The following CAST variants were observed in gnomAD, a reference collection of about 807,000 sequenced individuals.
CAST encodes the protein MIR583 host.
A neutral mutation model predicts 119.6 loss-of-function variants in CAST; 76 were observed. The ratio of observed to expected loss-of-function variants is 0.64; its 90% CI spans 0.53 to 0.77. The LOEUF is 0.77. Among genes scored for constraint, CAST ranks in the 30% least tolerant of loss-of-function variants. The pLI is 0.00. For missense variants in CAST, 953 were observed against 946.5 expected (o/e 1.01, Z -0.09); for synonymous variants, 319 against 331.6 (o/e 0.96, Z 0.41).
At chr5:96,282,847 T>C in the CAST span, among the ~76,000 whole-genome samples, 1 of 152,114 alleles carries the variant, frequency 6.6e-6, no homozygotes, top group East Asian at 1.9e-4. Context: ...AAAAATTTGT[T>C]GGCCGGGCGC....
chr5:96,592,414 G>A (rs541530678), intron 1 of CAST, among the ~76,000 whole-genome samples: 31 of 152,110 alleles, frequency 2.0e-4, no homozygotes, highest in African/African-American at 7.2e-4. Context: ...AAAAGGGGGG[G>A]AAAACCCAGC....
the CAST span, among the ~76,000 whole-genome samples, chr5:96,101,607 G>C: frequency 6.6e-6 from 1 of 152,094 alleles, no homozygotes; most frequent in Non-Finnish European, 1.5e-5. Flanking sequence ...ACTTTTTCTT[G>C]ATCCCTTTGT....
the CAST span, among the ~76,000 whole-genome samples, chr5:96,195,858 A>G: frequency 5.9e-5 from 9 of 152,328 alleles, no homozygotes; most frequent in African/African-American, 1.9e-4. Context: ...ATGGCATTAA[A>G]TACAGGCATT....
At chr5:96,658,382 A>C (rs1199409771), upstream of CAST, among the ~76,000 whole-genome samples, 1 of 152,240 alleles carries the variant, frequency 6.6e-6, no homozygotes, top group Non-Finnish European at 1.5e-5. Flanking sequence ...ATTATTGGGA[A>C]TGAGTACATC....
At chr5:96,225,218 AT>A in the CAST span, among the ~76,000 whole-genome samples, 1 of 152,078 alleles carries the variant, frequency 6.6e-6, no homozygotes, top group South Asian at 2.1e-4. Flanking sequence ...CTTTGTTGCT[AT>A]TTGTTTTTTT....
chr5:96,202,298 C>T, the CAST span, among the ~76,000 whole-genome samples: 1 of 152,126 alleles, frequency 6.6e-6, no homozygotes, highest in Admixed American at 6.6e-5. Flanking sequence ...GTATGATAGA[C>T]ATATTTATCC....
chr5:96,353,234 G>T, the CAST span, among the ~76,000 whole-genome samples: 1 of 152,108 alleles, frequency 6.6e-6, no homozygotes, highest in Non-Finnish European at 1.5e-5. Flanking sequence ...TTTTTAGATG[G>T]GGGATGTAGG....
the CAST span, among the ~76,000 whole-genome samples, chr5:96,019,054 C>T: frequency 6.6e-6 from 1 of 152,174 alleles, no homozygotes; most frequent in African/African-American, 2.4e-5. Flanking sequence ...GCCACCATTT[C>T]TGCCACTTTC....
At chr5:96,548,082 C>T (rs1746051489) in intron 1 of CAST, among the ~76,000 whole-genome samples, 1 of 152,102 alleles carries the variant, frequency 6.6e-6, no homozygotes, top group African/African-American at 2.4e-5. Context: ...ATTTTAGGTC[C>T]CCAGAAAGTA....
chr5:96,421,761 T>C, the CAST span: 1 of 755,628 alleles, frequency 1.3e-6, no homozygotes. Flanking sequence ...GTGGTATGGA[T>C]GTTGTGCATT....
intron 2 of CAST, among the ~76,000 whole-genome samples, chr5:96,677,043 A>AAAAAGAAAAG (rs553788639): frequency 5.9e-5 from 9 of 151,862 alleles, no homozygotes; most frequent in Admixed American, 2.6e-4. Context: ...ACAAAAAAAA[A>AAAAAGAAAAG]AAAAGAAAAG....
the CAST span, among the ~76,000 whole-genome samples, chr5:96,504,961 A>G: frequency 6.6e-6 from 1 of 152,218 alleles, no homozygotes; most frequent in Admixed American, 6.5e-5. Flanking sequence ...GTCAGCTACC[A>G]GTGTGGCCAT....
At chr5:96,034,911 A>G in the CAST span, among the ~76,000 whole-genome samples, 1 of 151,206 alleles carries the variant, frequency 6.6e-6, no homozygotes, top group Non-Finnish European at 1.5e-5. Flanking sequence ...TAATGTCTCT[A>G]GGTTCATCCA....
the CAST span, among the ~76,000 whole-genome samples, chr5:96,076,542 G>A: frequency 1.3e-5 from 2 of 152,280 alleles, no homozygotes; most frequent in East Asian, 3.9e-4. Flanking sequence ...ATTTTAGTGA[G>A]GAAAACAACT....
At chr5:96,663,509 C>T (rs1261809044) in intron 1 of CAST, among the ~76,000 whole-genome samples, 1 of 152,212 alleles carries the variant, frequency 6.6e-6, no homozygotes, top group Non-Finnish European at 1.5e-5. Flanking sequence ...CCTGAATGCA[C>T]TAGGACGCAG....
the CAST span, among the ~76,000 whole-genome samples, chr5:96,337,309 A>G: frequency 2.0e-5 from 3 of 152,156 alleles, no homozygotes; most frequent in Admixed American, 2.0e-4. Context: ...TCAAGAGAGA[A>G]AAAAAAGGAA....
chr5:96,071,930 A>G, the CAST span, among the ~76,000 whole-genome samples: 1 of 152,186 alleles, frequency 6.6e-6, no homozygotes, highest in Non-Finnish European at 1.5e-5. Flanking sequence ...TGACCGGTAC[A>G]TGGGTACATA....
the CAST span, among the ~76,000 whole-genome samples, chr5:96,320,535 G>T: frequency 6.6e-6 from 1 of 152,144 alleles, no homozygotes; most frequent in Admixed American, 6.5e-5. Context: ...ACCGTGCCCG[G>T]TCGGCTTTTG....
intron 1 of CAST, among the ~76,000 whole-genome samples, chr5:96,563,651 T>C (rs1055447661): frequency 9.1e-6 from 1 of 110,496 alleles, no homozygotes; most frequent in Non-Finnish European, 2.0e-5. Context: ...GTATTACTTA[T>C]AAAAAAAAAG....
Sources: gnomAD v4.1 joint callset for allele counts (sites outside exome capture counted in the v4.1 genomes callset) on GRCh38, gnomAD v4.1.1 for gene constraint, MANE v1.5 for transcripts, NCBI Gene and HGNC (gene_info 2026-07-23, HGNC 2026-07-21) for gene names.